Variants in COBLL1 observed in about 807,000 individuals in gnomAD.
COBLL1 encodes the protein cordon-bleu protein-like 1.
A neutral mutation model predicts 94.8 loss-of-function variants in COBLL1; 50 were observed. That is an observed-to-expected ratio of 0.53 (90% CI 0.42 to 0.67). The LOEUF (loss-of-function observed/expected upper bound fraction) is 0.67. Ranked by LOEUF, COBLL1 falls within the 30% of genes least tolerant of loss-of-function variation. The probability of loss-of-function intolerance (pLI) is 0.00; values close to 1 mark genes in which losing one functional copy is unlikely to be tolerated. For missense variants in COBLL1, 1,362 were observed against 1,348.7 expected (o/e 1.01, Z -0.15); for synonymous variants, 448 against 473.8 (o/e 0.95, Z 0.71).
Position 164,841,365 on chromosome 2 carries a change from C to T in COBLL1, c.-50-119G>A. ...CTCCAGCCCCGGCCGGCCCGCCTCCCGGGTGCGCTTCCACCTGCGGGCCCC... is the reference window on the plus strand; with the variant it reads ...CTCCAGCCCCGGCCGGCCCGCCTCCTGGGTGCGCTTCCACCTGCGGGCCCC... On this transcript the variant is annotated intron_variant, in intron 1 of 13. Transcript: ENST00000652658. The surrounding 1 kb of genome is among the most constrained non-coding windows in gnomAD (Gnocchi z 5.5). 3.4e-6 allele frequency: 4 copies of T among 1,187,162 alleles called. No homozygotes were observed. Among genetic ancestry groups the T allele is most frequent in the Non-Finnish European group, 3.1e-6 (3 of 959,770 alleles). 73.5% of individuals were successfully genotyped at this position (1,187,162 alleles called of 1,614,324 possible).
intron 2 of COBLL1, among the ~76,000 whole-genome samples, chr2:164,789,214 A>G (rs868376934): frequency 2.0e-5 from 3 of 152,228 alleles, no homozygotes; most frequent in Middle Eastern, 3.4e-3. Context: ...AAAACACATT[A>G]AGATAGGGTA....
chr2:164,668,077 C>T (rs558751083), intron 1 of COBLL1, among the ~76,000 whole-genome samples: 1 of 152,054 alleles, frequency 6.6e-6, no homozygotes, highest in East Asian at 1.9e-4. Flanking sequence ...GATTGTCCTG[C>T]CTCAGCCTCC....
intron 7 of COBLL1, among the ~76,000 whole-genome samples, chr2:164,710,753 T>C (rs952241449): frequency 5.9e-5 from 9 of 151,938 alleles, no homozygotes; most frequent in African/African-American, 2.2e-4. Flanking sequence ...TTAGTAGAGA[T>C]GGGGTTTCAC....
At chr2:164,689,746 A>G (rs2105416473) in intron 13 of COBLL1, among the ~76,000 whole-genome samples, 1 of 152,256 alleles carries the variant, frequency 6.6e-6, no homozygotes, top group South Asian at 2.1e-4. Context: ...TTTTTATTGC[A>G]TTACAATAAA....
chr2:164,689,121 G>A (rs959645081), intron 13 of COBLL1, among the ~76,000 whole-genome samples: 1 of 152,032 alleles, frequency 6.6e-6, no homozygotes, highest in Non-Finnish European at 1.5e-5. Context: ...CTACATGTGG[G>A]TTGAGTAGGG....
chr2:164,737,491 A>T (rs2105542170), intron 3 of COBLL1, among the ~76,000 whole-genome samples: 1 of 152,314 alleles, frequency 6.6e-6, no homozygotes, highest in South Asian at 2.1e-4. Context: ...TAAAATGCCA[A>T]CTTTTGTTTT....
At chr2:164,786,146 C>T (rs1040906016) in intron 2 of COBLL1, among the ~76,000 whole-genome samples, 5 of 152,124 alleles carry the variant, frequency 3.3e-5, no homozygotes, top group African/African-American at 9.7e-5. Flanking sequence ...TATTTTCATA[C>T]GTGGATCAAA....
intron 2 of COBLL1, among the ~76,000 whole-genome samples, chr2:164,788,745 C>CT (rs1469807803): frequency 1.3e-5 from 2 of 151,778 alleles, no homozygotes; most frequent in Non-Finnish European, 2.9e-5. Flanking sequence ...TCTCAGCACT[C>CT]TGGCAGGCCA....
At chr2:164,775,666 T>C (rs1185173913) in intron 2 of COBLL1, among the ~76,000 whole-genome samples, 1 of 152,096 alleles carries the variant, frequency 6.6e-6, no homozygotes, top group Non-Finnish European at 1.5e-5. Context: ...TTTCACCATG[T>C]TGGCCTCGAA....
At chr2:164,702,320 T>C (rs1401181580) in intron 9 of COBLL1, among the ~76,000 whole-genome samples, 2 of 151,778 alleles carry the variant, frequency 1.3e-5, no homozygotes, top group Non-Finnish European at 1.5e-5. Context: ...TCCCAGCACT[T>C]TGGGAGGCTG....
At chr2:164,787,007 C>CTGTG in intron 2 of COBLL1, among the ~76,000 whole-genome samples, 1 of 152,148 alleles carries the variant, frequency 6.6e-6, no homozygotes. Context: ...TAATGTATGA[C>CTGTG]TGTAGTTCAT....
chr2:164,658,217 C>T (rs1258803276), intron 2 of COBLL1, among the ~76,000 whole-genome samples: 9 of 152,106 alleles, frequency 5.9e-5, no homozygotes, highest in Non-Finnish European at 1.3e-4. Context: ...TCTTAGTCGG[C>T]CTAGGAAATC....
chr2:164,702,753 T>C (rs10183751), intron 9 of COBLL1, among the ~76,000 whole-genome samples: 19,488 of 151,784 alleles, frequency 0.13, 2,062 homozygotes, highest in African/African-American at 0.3. Context: ...TCAAGCAATC[T>C]TCCACCTCAG....
chr2:164,738,480 T>G (rs949869995), intron 3 of COBLL1, among the ~76,000 whole-genome samples: 1 of 152,200 alleles, frequency 6.6e-6, no homozygotes, highest in Non-Finnish European at 1.5e-5. Flanking sequence ...AAAAATTAAC[T>G]TTTCCCAAGT....
At position 164,705,182 on chromosome 2, in the gene COBLL1, GTCAAGCACAGGATATA is replaced by G. The variant is rs1324391431; in HGVS notation, c.997-93_997-78del. 2.6e-6 allele frequency: 3 copies of G among 1,158,094 alleles called. No homozygotes were observed. The African/African-American group carries it at 4.7e-5, about 18-fold the overall frequency. 71.7% of individuals were successfully genotyped at this position (1,158,094 alleles called of 1,614,324 possible). A position where few individuals can be genotyped will look rare whatever the true frequency, so the allele number is the denominator to read the frequency against. On this transcript the variant is annotated intron_variant, in intron 7 of 13. Transcript: ENST00000652658. Reference sequence around the variant, plus strand: ...ACTTTAGGAAGACACTGAACTTTACGTCAAGCACAGGATATATCCAAATGGAACATAACAGTCATTC... The same window carrying G: ...ACTTTAGGAAGACACTGAACTTTACGTCCAAATGGAACATAACAGTCATTC...
chr2:164,666,888 C>G (rs570105012), intron 1 of COBLL1, among the ~76,000 whole-genome samples: 1 of 152,236 alleles, frequency 6.6e-6, no homozygotes, highest in South Asian at 2.1e-4. Context: ...TCCAAGTCAT[C>G]CATGAGGGTT....
At chr2:164,693,398 G>A (rs1683721830) in intron 12 of COBLL1, among the ~76,000 whole-genome samples, 1 of 152,098 alleles carries the variant, frequency 6.6e-6, no homozygotes, top group Admixed American at 6.5e-5. Context: ...CTCTAGGAAT[G>A]TTTGAAAAAG....
At chr2:164,772,754 C>T (rs1175903791) in intron 2 of COBLL1, among the ~76,000 whole-genome samples, 2 of 152,094 alleles carry the variant, frequency 1.3e-5, no homozygotes, top group Non-Finnish European at 2.9e-5. Flanking sequence ...CTAATTCTCA[C>T]ATTCATCTAA....
chr2:164,736,418 A>G (rs921555838), intron 3 of COBLL1, among the ~76,000 whole-genome samples: 2 of 152,192 alleles, frequency 1.3e-5, no homozygotes, highest in Admixed American at 6.5e-5. Context: ...AGAAAATAAC[A>G]CATGAAATTA....
Sources: allele counts gnomAD v4.1 joint callset (sites outside exome capture counted in the v4.1 genomes callset), GRCh38; gene constraint gnomAD v4.1.1; non-coding constraint Gnocchi (gnomAD v3.1); transcripts MANE v1.5; gene names NCBI Gene and HGNC (gene_info 2026-07-23, HGNC 2026-07-21).